VGLL4: variants seen among roughly 807,000 people sequenced by gnomAD.
VGLL4 encodes transcription cofactor vestigial-like protein 4.
VGLL4 carries 7 observed loss-of-function variants against 21.0 expected under a neutral mutation model. That is an observed-to-expected ratio of 0.33 (90% CI 0.19 to 0.63). VGLL4 has a LOEUF of 0.63. Among genes scored for constraint, VGLL4 ranks in the 20% least tolerant of loss-of-function variants. The pLI, the probability that VGLL4 is intolerant of heterozygous loss-of-function variation, is 0.78. For synonymous variants in VGLL4, 222 were observed against 173.2 expected, an observed-to-expected ratio of 1.28 and a Z score of -2.21; for missense variants, 394 against 425.7, an observed-to-expected ratio of 0.93 and a Z score of 0.66.
At chr3:11,581,214 GCAC>G (rs1438819298) in intron 2 of VGLL4, among the ~76,000 whole-genome samples, 12 of 152,134 alleles carry the variant, frequency 7.9e-5, no homozygotes, top group African/African-American at 2.9e-4. Context: ...TTACAGGCAT[GCAC>G]CACCACGCCT....
chr3:11,691,780 C>G lies in VGLL4; in HGVS notation c.64+11191G>C, dbSNP rs1439848184. 1.5e-4 allele frequency among the ~76,000 whole-genome samples: 23 copies of G among 152,042 alleles called. 1 individual carries two copies. Among genetic ancestry groups the G allele is most frequent in the Admixed American group, 1.5e-3 (23 of 15,272 alleles). On this transcript the variant is annotated intron_variant, in intron 2 of 5. Transcript: ENST00000273038. ...TGTCCTCCTAATCCTCATCAGACCA[C>G]ATGGAAAAATCATTGCTTAGGTACC... is the stretch of plus-strand genomic sequence containing the variant.
At chr3:11,560,501 A>G (rs1204873058) in intron 3 of VGLL4, among the ~76,000 whole-genome samples, 3 of 152,222 alleles carry the variant, frequency 2.0e-5, no homozygotes, top group Non-Finnish European at 1.5e-5. Flanking sequence ...CCTTTCCATT[A>G]AAGTTAGAGC....
At position 11,558,454 on chromosome 3, in the gene VGLL4, TC is replaced by T; in HGVS notation, c.*101del. On this transcript the variant is annotated 3_prime_UTR_variant, in exon 5 of 5. Coordinates refer to ENST00000430365, the MANE Select transcript of VGLL4 (RefSeq NM_001128219.3). The stretch of plus-strand genomic sequence containing the variant: ...TTTGCAAATAAACCATCCCTTCCCT[TC>T]CCCCCACCCCACCCCCATGATTTTT... 9.4e-7 allele frequency: 1 copy of T among 1,064,144 alleles called. No homozygotes were observed. The highest frequency in any genetic ancestry group is 1.3e-6 in the Non-Finnish European group (1 of 775,568). The allele number at this position is 1,064,144 out of a possible 1,614,324, so 65.9% of individuals were successfully genotyped here.
chr3:11,676,318 C>T (rs979652241), intron 2 of VGLL4, among the ~76,000 whole-genome samples: 1 of 151,344 alleles, frequency 6.6e-6, no homozygotes, highest in Non-Finnish European at 1.5e-5. Context: ...ACCCAGGAGG[C>T]GGAGCTTGCA....
At chr3:11,666,950 A>ACT (rs1324854169) in intron 2 of VGLL4, among the ~76,000 whole-genome samples, 1 of 151,834 alleles carries the variant, frequency 6.6e-6, no homozygotes, top group African/African-American at 2.4e-5. Flanking sequence ...CTCCTTCCTG[A>ACT]CTCCGCTTCC....
intron 2 of VGLL4, among the ~76,000 whole-genome samples, chr3:11,674,467 C>T (rs1223147621): frequency 6.6e-6 from 1 of 152,074 alleles, no homozygotes; most frequent in Non-Finnish European, 1.5e-5. Context: ...CTACAATAAG[C>T]CTGGAGATCA....
chr3:11,562,970 A>G (rs79783273), intron 3 of VGLL4, among the ~76,000 whole-genome samples: 1,936 of 152,374 alleles, frequency 0.013, 52 homozygotes, highest in African/African-American at 0.044. Context: ...GGCCCATTCC[A>G]GGCTGGGGAG....
chr3:11,677,688 C>T (rs562901681), intron 2 of VGLL4, among the ~76,000 whole-genome samples: 7 of 152,126 alleles, frequency 4.6e-5, no homozygotes, highest in Admixed American at 2.0e-4. Flanking sequence ...CACCTGTAAT[C>T]CCAGCACTTT....
intron 2 of VGLL4, among the ~76,000 whole-genome samples, chr3:11,656,921 C>A (rs1018773556): frequency 6.6e-6 from 1 of 152,046 alleles, no homozygotes; most frequent in Non-Finnish European, 1.5e-5. Context: ...GAAGGACTGA[C>A]CCGAGGAGGA....
chr3:11,634,137 C>G (rs531872285), intron 1 of VGLL4, among the ~76,000 whole-genome samples: 22 of 152,136 alleles, frequency 1.4e-4, no homozygotes, highest in Non-Finnish European at 1.8e-4. Context: ...ATATACCCAA[C>G]TTTCTATTAT....
chr3:11,652,556 G>A (rs947072190), intron 2 of VGLL4, among the ~76,000 whole-genome samples: 3 of 152,128 alleles, frequency 2.0e-5, no homozygotes, highest in Non-Finnish European at 2.9e-5. Context: ...AAGTAGCTGG[G>A]ATAACAGGCA....
chr3:11,588,084 G>A (rs533091331), intron 2 of VGLL4, among the ~76,000 whole-genome samples: 1 of 152,334 alleles, frequency 6.6e-6, no homozygotes, highest in Non-Finnish European at 1.5e-5. Flanking sequence ...GCCACTCAGG[G>A]TTTATGTGGG....
chr3:11,613,747 G>A (rs757502947), intron 1 of VGLL4, among the ~76,000 whole-genome samples: 1 of 152,174 alleles, frequency 6.6e-6, no homozygotes, highest in Non-Finnish European at 1.5e-5. Flanking sequence ...TCATATAAAG[G>A]TCCCAGCCCA....
chr3:11,715,345 A>AT (rs1559960666), intron 1 of VGLL4, among the ~76,000 whole-genome samples: 1 of 150,884 alleles, frequency 6.6e-6, no homozygotes, highest in Non-Finnish European at 1.5e-5. Context: ...TCTTTTTTTT[A>AT]TTTTTTGAGA....
chr3:11,559,990 A>T (rs141382026), intron 3 of VGLL4, among the ~76,000 whole-genome samples: 1 of 152,148 alleles, frequency 6.6e-6, no homozygotes, highest in Non-Finnish European at 1.5e-5. Context: ...AATATGCCTA[A>T]GTGTGGAACG....
chr3:11,594,729 A>G (rs1176956231), intron 2 of VGLL4, among the ~76,000 whole-genome samples: 4 of 152,268 alleles, frequency 2.6e-5, no homozygotes, highest in African/African-American at 9.6e-5. Context: ...AGTATTGTAA[A>G]GCACCTGAAA....
chr3:11,664,349 A>G (rs2076079193), intron 2 of VGLL4, among the ~76,000 whole-genome samples: 2 of 152,224 alleles, frequency 1.3e-5, no homozygotes, highest in South Asian at 4.2e-4. Flanking sequence ...TTGGATAGGG[A>G]GGTAATCAAG....
chr3:11,660,943 A>G (rs1336439583), intron 2 of VGLL4, among the ~76,000 whole-genome samples: 3 of 152,204 alleles, frequency 2.0e-5, no homozygotes, highest in Non-Finnish European at 4.4e-5. Context: ...AAGATTGAAT[A>G]CCAAACAGCA....
At position 11,605,033 on chromosome 3, in the gene VGLL4, TCGCCCGCCACG is replaced by T. The variant is rs1281392414; in HGVS notation, c.83-3022_83-3012del. ...GGAAACCCCGCAGGGCTGCTTTCCATCGCCCGCCACGCCCCCGCCCACCCCCAATCCTCCAC... is the reference window on the plus strand; with the variant it reads ...GGAAACCCCGCAGGGCTGCTTTCCATCCCCCGCCCACCCCCAATCCTCCAC... On this transcript the variant is annotated intron_variant, in intron 1 of 4. Coordinates refer to ENST00000430365, the MANE Select transcript of VGLL4 (RefSeq NM_001128219.3). Among the ~76,000 whole-genome samples the T allele has an allele frequency of 7.1e-3, 846 of 119,670 alleles. 100 individuals are homozygous for T. The highest frequency in any genetic ancestry group is 0.01 in the Non-Finnish European group (565 of 54,924). The allele number at this position is 119,670 out of a possible 152,430, so 78.5% of individuals were successfully genotyped here.
Sources: gnomAD v4.1 joint callset for allele counts (sites outside exome capture counted in the v4.1 genomes callset) on GRCh38, gnomAD v4.1.1 for gene constraint, MANE v1.5 for transcripts, NCBI Gene and HGNC (gene_info 2026-07-23, HGNC 2026-07-21) for gene names.